KNTC1: variants seen among roughly 807,000 people sequenced by gnomAD.
KNTC1 encodes kinetochore associated 1.
A neutral mutation model predicts 314.4 loss-of-function variants in KNTC1; 253 were observed. That is an observed-to-expected ratio of 0.80 (90% CI 0.73 to 0.89). The LOEUF (loss-of-function observed/expected upper bound fraction) is 0.89. Among genes scored for constraint, KNTC1 ranks in the 40% least tolerant of loss-of-function variants. The pLI is 0.00. For missense variants in KNTC1, 2,475 were observed against 2,572.9 expected, an observed-to-expected ratio of 0.96 and a Z score of 0.82; for synonymous variants, 901 against 901.4, an observed-to-expected ratio of 1.00 and a Z score of 0.01.
chr12:122,613,677 C>G lies in KNTC1; in HGVS notation c.5793C>G (p.Ile1931Met). The G allele has an allele frequency of 1.2e-6, 2 of 1,612,122 alleles. No individual in the cohort carries two copies. Among genetic ancestry groups the G allele is most frequent in the Non-Finnish European group, 1.7e-6 (2 of 1,178,952 alleles). Residue 1931 changes from isoleucine to methionine, a missense_variant, in exon 55 of 64, where the codon ATC (isoleucine) becomes ATG (methionine). Physicochemically the swap from Ile to Met is conservative, Grantham distance 10. Transcript: ENST00000333479. ...TGGCATCATTTGAGACTTTGAATAT[C>G]CCCATCACATATGAATTATTTTGCA... ...TFLASFETLN[I>M]PITYELFCSS...
In KNTC1 at chr12:122,613,042, A is replaced by G. The variant is rs374960711; in HGVS notation, c.5623-70A>G. On this transcript the variant is annotated intron_variant, in intron 53 of 63. Coordinates refer to ENST00000333479, the MANE Select transcript of KNTC1 (RefSeq NM_014708.6). ...AATAATGACGTTGTTTATGTTGCCT[A>G]TGTTGAAACTCATTTACCCAACTAC... 321 of 786,290 alleles carry G rather than the reference A, an allele frequency of 4.1e-4. 3 individuals are homozygous for G. Among genetic ancestry groups the G allele is most frequent in the South Asian group, 3.0e-3 (205 of 67,826 alleles). The allele number at this position is 786,290 out of a possible 1,614,324, so 48.7% of individuals were successfully genotyped here.
Position 122,542,164 on chromosome 12 carries a change from G to A in KNTC1, c.523+37G>A, listed in dbSNP as rs554583704. On this transcript the variant is annotated intron_variant, in intron 6 of 63. Coordinates refer to ENST00000333479, the MANE Select transcript of KNTC1 (RefSeq NM_014708.6). ...ATTATATTTTTATTATTGATTTGCA[G>A]CAATATTTACTAGTTTTATTAATGT... 2.1e-5 allele frequency: 28 copies of A among 1,303,482 alleles called. No homozygotes were observed. The African/African-American group carries it at 3.9e-4, about 18-fold the overall frequency. 80.7% of individuals were successfully genotyped at this position (1,303,482 alleles called of 1,614,324 possible). A position where few individuals can be genotyped will look rare whatever the true frequency, so the allele number is the denominator to read the frequency against.
chr12:122,578,718 C>T (rs1276393840), intron 31 of KNTC1, among the ~76,000 whole-genome samples: 2 of 152,138 alleles, frequency 1.3e-5, no homozygotes, highest in Non-Finnish European at 2.9e-5. Context: ...CCACACTTGG[C>T]CAATAGTTGG....
At position 122,618,356 on chromosome 12, in the gene KNTC1, G is replaced by C. The variant is rs375695284; in HGVS notation, c.6044G>C (p.Ser2015Thr). ...TTGTTTTCACAGGTTCCCTACTTCA[G>C]CAAAGCGTGGCAGCGTGTGATACAG... The part of the protein sequence containing the change: ...IHSLWQVPYF[S>T]KAWQRVIQIP... Residue 2015 changes from serine (S) to threonine (T), a missense_variant, in exon 58 of 64, where the codon AGC becomes ACC. By Grantham distance (58) the Ser-to-Thr change is moderately conservative. Coordinates refer to ENST00000333479, the MANE Select transcript of KNTC1 (RefSeq NM_014708.6). 2 of 1,613,520 alleles carry C rather than the reference G, an allele frequency of 1.2e-6. No individual in the cohort carries two copies. The highest frequency in any genetic ancestry group is 2.7e-5 in the African/African-American group (2 of 74,908).
intron 44 of KNTC1, 40 bp downstream of exon 44, chr12:122,597,978 C>A: frequency 6.8e-7 from 1 of 1,463,344 alleles, no homozygotes; most frequent in Non-Finnish European, 9.6e-7. Context: ...TCTCAGCCAT[C>A]CCTCCCACCC....
At chr12:122,561,837 TTTTG>T (rs1318560665) in intron 18 of KNTC1, 80 bp from the exon 19 acceptor site, 1 of 1,140,608 alleles carries the variant, frequency 8.8e-7, no homozygotes, top group African/African-American at 1.6e-5. Context: ...TAAAAAAATT[TTTTG>T]TTATTTCACA....
At chr12:122,560,250 T>C (rs1963888059) in intron 18 of KNTC1, among the ~76,000 whole-genome samples, 1 of 152,222 alleles carries the variant, frequency 6.6e-6, no homozygotes, top group Non-Finnish European at 1.5e-5. Context: ...TCTTTAGTTA[T>C]TTCCACATTT....
chr12:122,590,742 C>T lies in KNTC1; in HGVS notation c.4128+7C>T, dbSNP rs1292399149. 6 of 1,608,678 alleles carry T rather than the reference C, an allele frequency of 3.7e-6. No homozygotes were observed. Among genetic ancestry groups the T allele is most frequent in the Non-Finnish European group, 5.1e-6 (6 of 1,177,446 alleles). ...GAATTACGACAAAATCTTGGTATGTCCTAAGGAAGCACACCTTCAATTCTT... is the reference window on the plus strand; with the variant it reads ...GAATTACGACAAAATCTTGGTATGTTCTAAGGAAGCACACCTTCAATTCTT... On this transcript the variant is annotated splice_region_variant and intron_variant, in intron 41 of 63. Coordinates refer to ENST00000333479, the MANE Select transcript of KNTC1 (RefSeq NM_014708.6).
At chr12:122,592,149 T>G (rs1298977562) in intron 42 of KNTC1, among the ~76,000 whole-genome samples, 1 of 152,176 alleles carries the variant, frequency 6.6e-6, no homozygotes, top group Non-Finnish European at 1.5e-5. Context: ...CCCCGGGCAG[T>G]GAGGGGCTTA....
intron 24 of KNTC1, among the ~76,000 whole-genome samples, chr12:122,571,649 G>A (rs975217768): frequency 1.3e-5 from 2 of 151,756 alleles, no homozygotes; most frequent in African/African-American, 4.8e-5. Context: ...GTGAGCTACT[G>A]TGCCCAGCCC....
chr12:122,587,725 T>G lies in KNTC1; in HGVS notation c.3745T>G (p.Leu1249Val). 2 of 1,613,078 alleles carry G rather than the reference T, an allele frequency of 1.2e-6. No individual in the cohort carries two copies. Among genetic ancestry groups the G allele is most frequent in the Non-Finnish European group, 1.7e-6 (2 of 1,179,392 alleles). Residue 1249 changes from leucine to valine, a missense_variant, in exon 39 of 64, where the codon TTA becomes GTA. By Grantham distance (32) the Leu-to-Val change is conservative. Coordinates refer to ENST00000333479, the MANE Select transcript of KNTC1 (RefSeq NM_014708.6). ...TCACTCTGCAGGAGATGGCCTTGTT[T>G]TACCTGTTATAAATTCCATCTCTGC... ...CSLNEGDGLV[L>V]PVINSISALL...
chr12:122,588,648 T>G, intron 39 of KNTC1, 64 bp from the exon 40 acceptor site: 1 of 1,176,374 alleles, frequency 8.5e-7, no homozygotes, highest in South Asian at 2.2e-5. Flanking sequence ...CCTTAATATT[T>G]GAAAAAATTT....
Position 122,557,411 on chromosome 12 carries a change from A to G in KNTC1, c.1300A>G (p.Ile434Val). The change falls in exon 17 of 64, where the codon ATA becomes GTA. Residue 434 changes from isoleucine (I) to valine (V), a missense_variant. By Grantham distance (29) the Ile-to-Val change is conservative. Coordinates refer to ENST00000333479, the MANE Select transcript of KNTC1 (RefSeq NM_014708.6). ...ELVYKVKSNH[I>V]LEKLALSSVD... ...TGTTTACAAGGTCAAGTCAAATCAT[A>G]TATTGGAGAAACTGGCATTGAGTTC... is the stretch of plus-strand genomic sequence containing the variant. 2 of 1,613,708 alleles carry G rather than the reference A, an allele frequency of 1.2e-6. No homozygotes were observed. Among genetic ancestry groups the G allele is most frequent in the Admixed American group, 1.7e-5 (1 of 59,950 alleles).
intron 8 of KNTC1, among the ~76,000 whole-genome samples, chr12:122,544,951 T>C (rs1045078223): frequency 6.6e-6 from 1 of 152,198 alleles, no homozygotes; most frequent in Non-Finnish European, 1.5e-5. Context: ...TAGTCTTGGC[T>C]AGCTAGGCTA....
At chr12:122,603,388 G>A (rs1184403737) in intron 48 of KNTC1, 145 bp downstream of exon 48, 1 of 678,724 alleles carries the variant, frequency 1.5e-6, no homozygotes, top group Non-Finnish European at 2.4e-6. Context: ...CAAGGGCAGT[G>A]GGCATGGGCA....
chr12:122,533,866 G>C (rs1202794886), intron 2 of KNTC1, among the ~76,000 whole-genome samples: 3 of 152,106 alleles, frequency 2.0e-5, no homozygotes. Flanking sequence ...ACTATGTGCA[G>C]GGCTCTCTCA....
chr12:122,626,207 G>T lies in KNTC1; in HGVS notation c.6609G>T (p.Met2203Ile). The T allele has an allele frequency of 6.3e-7, 1 of 1,578,152 alleles. No homozygotes were observed. Among genetic ancestry groups the T allele is most frequent in the Non-Finnish European group, 8.7e-7 (1 of 1,155,360 alleles). The change falls in exon 64 of 64, where the codon ATG (methionine) becomes ATT (isoleucine). Residue 2203 changes from methionine (M) to isoleucine (I), a missense_variant and splice_region_variant. By Grantham distance (10) the Met-to-Ile change is conservative. Coordinates refer to ENST00000333479, the MANE Select transcript of KNTC1 (RefSeq NM_014708.6). ...PDTAPCEILKMFLSGLS is the reference protein window; with the variant it reads ...PDTAPCEILKIFLSGLS ...CTTCTGTGTTTCTTCCCATTTAGAT[G>T]TTTCTTAGTGGATTATCGTAAATCA...
At chr12:122,539,786 T>A in intron 5 of KNTC1, 32 bp downstream of exon 5, 5 of 192,110 alleles carry the variant, frequency 2.6e-5, no homozygotes, top group Non-Finnish European at 3.9e-5. Context: ...TTTGAATGAC[T>A]TTTTTTTTTT....
rs1425159192 is a variant in KNTC1, at chr12:122,557,707, T to C, written c.1488+18T>C. 2 of 1,591,688 alleles carry C rather than the reference T, an allele frequency of 1.3e-6. No homozygotes were observed. The highest frequency in any genetic ancestry group is 1.3e-5 in the African/African-American group (1 of 74,540). ...AAACCAGGGTAGGTTCGTTTTTTTGTATTTTGTTTTTTTGGGGCAGGGGAG... is the reference window on the plus strand; with the variant it reads ...AAACCAGGGTAGGTTCGTTTTTTTGCATTTTGTTTTTTTGGGGCAGGGGAG... On this transcript the variant is annotated intron_variant, in intron 18 of 63. Coordinates refer to ENST00000333479, the MANE Select transcript of KNTC1 (RefSeq NM_014708.6).
Sources: allele counts gnomAD v4.1 joint callset (sites outside exome capture counted in the v4.1 genomes callset), GRCh38; gene constraint gnomAD v4.1.1; transcripts MANE v1.5; gene names NCBI Gene and HGNC (gene_info 2026-07-23, HGNC 2026-07-21).